The following PSTPIP1 variants were observed in gnomAD, a reference collection of about 807,000 sequenced individuals.
The protein encoded by PSTPIP1 is proline-serine-threonine phosphatase interacting protein 1.
In PSTPIP1, 66 loss-of-function variants were observed where a neutral mutation model predicts 69.6. That is an observed-to-expected ratio of 0.95 (90% CI 0.78 to 1.16). The LOEUF is 1.16. Among genes scored for constraint, PSTPIP1 ranks in the 50% most tolerant of loss-of-function variants. The pLI, the probability that PSTPIP1 is intolerant of heterozygous loss-of-function variation, is 0.00. For missense variants in PSTPIP1, 603 were observed against 557.4 expected, an observed-to-expected ratio of 1.08 and a Z score of -0.82; for synonymous variants, 266 against 222.7, an observed-to-expected ratio of 1.19 and a Z score of -1.73.
intron 1 of PSTPIP1, among the ~76,000 whole-genome samples, chr15:77,013,650 C>A (rs1026715180): frequency 1.1e-4 from 16 of 152,290 alleles, no homozygotes; most frequent in African/African-American, 3.4e-4. Context: ...CCTAGGGGCT[C>A]CTCTCTCCCT....
intron 1 of PSTPIP1, among the ~76,000 whole-genome samples, chr15:76,997,462 C>T (rs539885253): frequency 4.6e-5 from 7 of 152,346 alleles, no homozygotes; most frequent in African/African-American, 1.7e-4. Flanking sequence ...TTGCTGAGCA[C>T]GAAAGATGTG....
At position 77,015,928 on chromosome 15, in the gene PSTPIP1, G is replaced by A. The variant is rs1370895201; in HGVS notation, c.37-2220G>A. The A allele has an allele frequency of 8.8e-6, 4 of 456,094 alleles. No homozygotes were observed. In the Admixed American group the frequency reaches 9.4e-5, roughly 11 times the overall value. The allele number at this position is 456,094 out of a possible 1,614,324, so 28.3% of individuals were successfully genotyped here. A position where few individuals can be genotyped will look rare whatever the true frequency, so the allele number is the denominator to read the frequency against. ...GATCCTGGAGCCTGCAGCCTCTGGGGACTTGAGCACGGCGGTCACAGCCTG... is the reference window on the plus strand; with the variant it reads ...GATCCTGGAGCCTGCAGCCTCTGGGAACTTGAGCACGGCGGTCACAGCCTG... On this transcript the variant is annotated intron_variant, in intron 1 of 14. Coordinates refer to ENST00000558012, the MANE Select transcript of PSTPIP1 (RefSeq NM_003978.5).
intron 9 of PSTPIP1, 21 bp from the exon 10 acceptor site, chr15:77,031,159 C>A: frequency 6.2e-7 from 1 of 1,608,742 alleles, no homozygotes; most frequent in Non-Finnish European, 8.5e-7. Context: ...TCACTGCTCA[C>A]CTCCCTCCCA....
At chr15:77,021,221 T>C (rs1285151675) in intron 3 of PSTPIP1, among the ~76,000 whole-genome samples, 1 of 152,224 alleles carries the variant, frequency 6.6e-6, no homozygotes, top group Non-Finnish European at 1.5e-5. Context: ...CCCTCAGGCC[T>C]GGAGGCTCGG....
At chr15:77,024,518 T>C (rs2076229904) in intron 3 of PSTPIP1, 1 of 152,164 alleles carries the variant, frequency 6.6e-6, no homozygotes, top group South Asian at 2.1e-4. Flanking sequence ...CCAGATAAAA[T>C]ACTGGATGCC....
At chr15:77,020,481 T>C (rs1013683769) in intron 3 of PSTPIP1, among the ~76,000 whole-genome samples, 2 of 152,166 alleles carry the variant, frequency 1.3e-5, no homozygotes, top group Non-Finnish European at 2.9e-5. Context: ...TGAAGTACTG[T>C]TGATGAGGCC....
Position 77,032,963 on chromosome 15 carries a change from G to C in PSTPIP1, c.929+11G>C, listed in dbSNP as rs753081335. 2 of 1,588,274 alleles carry C rather than the reference G, an allele frequency of 1.3e-6. No homozygotes were observed. The highest frequency in any genetic ancestry group is 1.7e-6 in the Non-Finnish European group (2 of 1,167,502). ...CGGCATGATAAAGAGGTGAGGCCCC[G>C]ACAGACGGAGGGAGGGCCTAAGGCT... On this transcript the variant is annotated intron_variant, in intron 12 of 14. Coordinates refer to ENST00000558012, the MANE Select transcript of PSTPIP1 (RefSeq NM_003978.5).
chr15:77,032,404 G>A lies in PSTPIP1; in HGVS notation c.838+10G>A, dbSNP rs747042572. 13 of 1,612,290 alleles carry A rather than the reference G, an allele frequency of 8.1e-6. No individual in the cohort carries two copies. Among genetic ancestry groups the A allele is most frequent in the Admixed American group, 6.7e-5 (4 of 59,992 alleles). ...GGCACAGAGCCCCCCGGTGAGGTCCGGCTTGCGGACAGCGCAGCCTCTAGG... is the reference window on the plus strand; with the variant it reads ...GGCACAGAGCCCCCCGGTGAGGTCCAGCTTGCGGACAGCGCAGCCTCTAGG... On this transcript the variant is annotated intron_variant, in intron 11 of 14. Transcript: ENST00000558012.
intron 5 of PSTPIP1, among the ~76,000 whole-genome samples, 159 bp downstream of exon 5, chr15:77,025,763 G>A (rs1304022412): frequency 6.6e-6 from 1 of 152,200 alleles, no homozygotes; most frequent in Non-Finnish European, 1.5e-5. Flanking sequence ...GTGATCTGAA[G>A]TGGGTAGGGA....
At chr15:77,032,711 G>A (rs1172103232) in intron 11 of PSTPIP1, 151 bp from the exon 12 acceptor site, 5 of 670,544 alleles carry the variant, frequency 7.5e-6, no homozygotes, top group African/African-American at 3.6e-5. Flanking sequence ...TGGTACCTAC[G>A]GTGGGGTCTC....
chr15:76,995,697 A>G, intron 1 of PSTPIP1, 88 bp downstream of exon 1: 1 of 1,601,034 alleles, frequency 6.2e-7, no homozygotes, highest in Non-Finnish European at 8.5e-7. Context: ...TGCGGCTCCG[A>G]GAGGGGAGCT....
At position 77,000,454 on chromosome 15, in the gene PSTPIP1, A is replaced by AAG. The variant is rs71931532; in HGVS notation, c.36+4851_36+4852dup. ...GCACCTGTTCCATCCTGGGCATTTA[A>AAG]AGAGAGATATATATATATATATACA... is the stretch of plus-strand genomic sequence containing the variant. On this transcript the variant is annotated intron_variant, in intron 1 of 14. Transcript: ENST00000558012. Among the ~76,000 whole-genome samples, 35 of 87,552 alleles carry AAG rather than the reference A, an allele frequency of 4.0e-4. 1 individual carries two copies. Among genetic ancestry groups the AAG allele is most frequent in the African/African-American group, 1.5e-3 (32 of 21,982 alleles). 57.4% of individuals were successfully genotyped at this position (87,552 alleles called of 152,430 possible).
intron 3 of PSTPIP1, among the ~76,000 whole-genome samples, chr15:77,025,053 T>C (rs985914451): frequency 1.3e-5 from 2 of 152,192 alleles, no homozygotes; most frequent in Non-Finnish European, 2.9e-5. Context: ...TCTGCCACAT[T>C]GCAGAGGGTT....
At chr15:77,004,670 A>G (rs2075779333) in intron 1 of PSTPIP1, among the ~76,000 whole-genome samples, 1 of 142,130 alleles carries the variant, frequency 7.0e-6, no homozygotes, top group Non-Finnish European at 1.5e-5. Context: ...TCTGGGCAAC[A>G]TGGTGAAACC....
intron 1 of PSTPIP1, among the ~76,000 whole-genome samples, chr15:77,016,990 T>C (rs1019094866): frequency 1.3e-5 from 2 of 152,128 alleles, no homozygotes; most frequent in African/African-American, 4.8e-5. Flanking sequence ...GAGCTGGGAC[T>C]TCTTCCTCCA....
At chr15:77,011,388 C>T (rs1001605706) in intron 1 of PSTPIP1, among the ~76,000 whole-genome samples, 2 of 152,228 alleles carry the variant, frequency 1.3e-5, no homozygotes, top group African/African-American at 4.8e-5. Flanking sequence ...GAGCCCAGCC[C>T]AGGCATCTCT....
chr15:76,999,339 C>T (rs540915310), intron 1 of PSTPIP1: 3 of 151,782 alleles, frequency 2.0e-5, no homozygotes, highest in Admixed American at 2.0e-4. Flanking sequence ...AGGGCAGTGG[C>T]ACAATCTCAG....
rs555658119 is a variant in PSTPIP1, at chr15:77,027,975, C to G, written c.417+61C>G. 7 of 1,404,434 alleles carry G rather than the reference C, an allele frequency of 5.0e-6. No individual in the cohort carries two copies. The highest frequency in any genetic ancestry group is 3.9e-6 in the Non-Finnish European group (4 of 1,016,198). The allele number at this position is 1,404,434 out of a possible 1,614,324, so 87.0% of individuals were successfully genotyped here. ...GAGGAGCAGCGCAGGTCTCAGGGTG[C>G]GATCCTGGGCTGTGGCCCCGGGCAG... On this transcript the variant is annotated intron_variant, in intron 6 of 14. Coordinates refer to ENST00000558012, the MANE Select transcript of PSTPIP1 (RefSeq NM_003978.5). This position sits in a 1 kb window ranked among gnomAD's most constrained non-coding sequence, Gnocchi z 4.3.
intron 1 of PSTPIP1, among the ~76,000 whole-genome samples, chr15:77,001,762 G>T (rs539290976): frequency 2.0e-5 from 3 of 152,312 alleles, no homozygotes; most frequent in Non-Finnish European, 4.4e-5. Context: ...GAAAAGTGGG[G>T]AAATAAGCAT....
Sources: gnomAD v4.1 joint callset for allele counts (sites outside exome capture counted in the v4.1 genomes callset) on GRCh38, gnomAD v4.1.1 for gene constraint, Gnocchi (gnomAD v3.1) non-coding constraint, MANE v1.5 for transcripts, NCBI Gene and HGNC (gene_info 2026-07-23, HGNC 2026-07-21) for gene names.